The following CD8B variants were observed in gnomAD, a reference collection of about 807,000 sequenced individuals.
CD8B encodes the protein CD8 subunit beta.
Under a neutral mutation model 24.2 loss-of-function variants are expected in CD8B, and 6 were observed. The observed-to-expected ratio is 0.25, with a 90% CI of 0.14 to 0.49. The LOEUF (loss-of-function observed/expected upper bound fraction) is 0.49, where lower values mean the gene tolerates loss of function less well. Among genes scored for constraint, CD8B ranks in the 20% least tolerant of loss-of-function variants. CD8B has a pLI of 0.98. For missense variants in CD8B, 196 were observed against 271.3 expected, an observed-to-expected ratio of 0.72 and a Z score of 1.95; for synonymous variants, 84 against 108.3, an observed-to-expected ratio of 0.78 and a Z score of 1.39.
intron 5 of CD8B, among the ~76,000 whole-genome samples, chr2:86,825,958 T>C (rs1317906060): frequency 6.6e-6 from 1 of 151,532 alleles, no homozygotes; most frequent in Admixed American, 6.6e-5. Flanking sequence ...CCTACCTGAA[T>C]GTGCAGACCT....
chr2:86,842,886 C>A (rs186555910), intron 5 of CD8B, among the ~76,000 whole-genome samples: 1 of 152,180 alleles, frequency 6.6e-6, no homozygotes, highest in Non-Finnish European at 1.5e-5. Context: ...AGGGTCCCCC[C>A]ACGACCACCC....
chr2:86,833,261 C>T (rs1674992900), downstream of CD8B, among the ~76,000 whole-genome samples: 1 of 140,274 alleles, frequency 7.1e-6, no homozygotes, highest in Non-Finnish European at 1.5e-5. Flanking sequence ...GTGGTGTGAT[C>T]TTGGCTCACT....
At chr2:86,846,095 C>T (rs1452606908) in intron 4 of CD8B, among the ~76,000 whole-genome samples, 9 of 152,156 alleles carry the variant, frequency 5.9e-5, no homozygotes, top group Non-Finnish European at 1.0e-4. Context: ...TCTGGCTCCC[C>T]GTCTTTCTTG....
chr2:86,829,215 C>T lies in CD8B; in HGVS notation c.621-13497G>A, dbSNP rs533643287. Among the ~76,000 whole-genome samples, 49 of 150,740 alleles carry T rather than the reference C, an allele frequency of 3.3e-4. No individual in the cohort carries two copies. The South Asian group carries it at 9.9e-3, about 30-fold the overall frequency. On this transcript the variant is annotated intron_variant, in intron 5 of 5. Coordinates refer to the CD8B transcript ENST00000331469. Reference sequence around the variant, plus strand: ...CCTGGGTTTAAGCGATTTCCCCCGCCTTAGCCTCAGCCTCCTGAGTAGCTG... The same window carrying T: ...CCTGGGTTTAAGCGATTTCCCCCGCTTTAGCCTCAGCCTCCTGAGTAGCTG...
rs560489142 is a variant in CD8B at position 86,840,078 on chromosome 2, C to T, written c.*2229G>A. Among the ~76,000 whole-genome samples, 15 of 151,498 alleles carry T rather than the reference C, an allele frequency of 9.9e-5. No individual in the cohort carries two copies. The East Asian group carries it at 2.1e-3, about 22-fold the overall frequency. ...GGGGGCAGGGAATCTAAGGCCAATT[C>T]GTGCTGAATCAAGGAGAAACATCTA... On this transcript the variant is annotated 3_prime_UTR_variant, in exon 6 of 6. Coordinates refer to ENST00000390655, the MANE Select transcript of CD8B (RefSeq NM_004931.5).
Position 86,839,186 on chromosome 2 carries a change from T to C in CD8B, c.*3121A>G, listed in dbSNP as rs892956673. On this transcript the variant is annotated 3_prime_UTR_variant, in exon 6 of 6. Coordinates refer to ENST00000390655, the MANE Select transcript of CD8B (RefSeq NM_004931.5). Reference sequence around the variant, plus strand: ...TCTATACAGATGTTTTAAAAATATATGCATTTGTCATAACCATCATTTGAT... The same window carrying C: ...TCTATACAGATGTTTTAAAAATATACGCATTTGTCATAACCATCATTTGAT... Among the ~76,000 whole-genome samples, 2 of 152,250 alleles carry C rather than the reference T, an allele frequency of 1.3e-5. No homozygotes were observed. Among genetic ancestry groups the C allele is most frequent in the Non-Finnish European group, 2.9e-5 (2 of 68,044 alleles).
downstream of CD8B, among the ~76,000 whole-genome samples, chr2:86,835,420 A>G (rs950769209): frequency 4.3e-4 from 65 of 152,184 alleles, no homozygotes; most frequent in African/African-American, 1.5e-3. Flanking sequence ...TGGCCCAGCT[A>G]GAGCCTTCGT....
At chr2:86,827,293 G>GAA (rs2104508064) in intron 5 of CD8B, among the ~76,000 whole-genome samples, 1 of 152,046 alleles carries the variant, frequency 6.6e-6, no homozygotes, top group East Asian at 1.9e-4. Flanking sequence ...GAATTGGCTT[G>GAA]CCCTGAGAGT....
chr2:86,825,346 G>C (rs1211462014), intron 5 of CD8B, among the ~76,000 whole-genome samples: 2 of 152,126 alleles, frequency 1.3e-5, no homozygotes, highest in Non-Finnish European at 2.9e-5. Flanking sequence ...GGAGGGTGAG[G>C]ATCACCGTCC....
Position 86,815,643 on chromosome 2 carries a change from TG to T in CD8B, c.695del (p.Ser232TyrfsTer10), listed in dbSNP as rs1674203765. Reference sequence around the variant, plus strand: ...GGATCCATGGGTTAAGCAGCTTCTGTGAGGTTGTAGTATTGCTGTAGTATCC... The same window carrying T: ...GGATCCATGGGTTAAGCAGCTTCTGTAGGTTGTAGTATTGCTGTAGTATCC... On this transcript the variant is annotated frameshift_variant, in exon 6 of 6. Transcript: ENST00000331469. LOFTEE classifies it low-confidence loss of function (END_TRUNC). 6.2e-7 allele frequency: 1 copy of T among 1,612,262 alleles called. No individual in the cohort carries two copies.
downstream of CD8B, among the ~76,000 whole-genome samples, chr2:86,838,005 A>G (rs1234839094): frequency 5.3e-5 from 8 of 152,212 alleles, no homozygotes; most frequent in Non-Finnish European, 5.9e-5. Context: ...AGCTCGCCCA[A>G]AGTCTACAGC....
intron 1 of CD8B, among the ~76,000 whole-genome samples, chr2:86,858,813 A>G (rs927092085): frequency 1.6e-4 from 24 of 151,300 alleles, no homozygotes; most frequent in South Asian, 8.4e-4. Context: ...AGGCACTATC[A>G]TAGTACACTT....
chr2:86,848,295 G>C (rs1003852309), intron 3 of CD8B, among the ~76,000 whole-genome samples: 2 of 152,190 alleles, frequency 1.3e-5, no homozygotes, highest in African/African-American at 4.8e-5. Flanking sequence ...GTTTTTGCCA[G>C]TCAAGTGGGG....
At position 86,848,701 on chromosome 2, in the gene CD8B, A is replaced by ATTAATTATTTATTTATTTATTTTATTTAT. The variant is rs58311096; in HGVS notation, c.494-1929_494-1928insATAAATAAAATAAATAAATAAATAATTAA. Among the ~76,000 whole-genome samples the ATTAATTATTTATTTATTTATTTTATTTAT allele has an allele frequency of 4.2e-4, 25 of 58,878 alleles. 4 individuals are homozygous for ATTAATTATTTATTTATTTATTTTATTTAT. The highest frequency in any genetic ancestry group is 7.6e-3 in the Middle Eastern group (1 of 132). 38.6% of individuals were successfully genotyped at this position (58,878 alleles called of 152,430 possible). ...GGAAGAAAGGTATTGGTATTTTTAA[A>ATTAATTATTTATTTATTTATTTTATTTAT]TTATTTATTTATTTATTTATTTATT... On this transcript the variant is annotated intron_variant, in intron 3 of 5. Transcript: ENST00000390655.
chr2:86,849,337 T>C (rs1675856523), intron 3 of CD8B, among the ~76,000 whole-genome samples: 1 of 151,896 alleles, frequency 6.6e-6, no homozygotes, highest in Admixed American at 6.6e-5. Flanking sequence ...CCCTCTGAGA[T>C]GCTGAGGGCA....
intron 5 of CD8B, among the ~76,000 whole-genome samples, chr2:86,824,348 T>G (rs528743436): frequency 1.3e-5 from 2 of 152,256 alleles, no homozygotes; most frequent in South Asian, 4.1e-4. Context: ...CCCATTTTGT[T>G]CTGCATCTTT....
chr2:86,825,133 G>A (rs770253470), intron 5 of CD8B, among the ~76,000 whole-genome samples: 1 of 152,206 alleles, frequency 6.6e-6, no homozygotes, highest in Non-Finnish European at 1.5e-5. Context: ...GGGGTGATGG[G>A]TGCATCTGCC....
downstream of CD8B, among the ~76,000 whole-genome samples, chr2:86,836,082 G>A (rs1441954536): frequency 1.3e-5 from 2 of 151,584 alleles, no homozygotes; most frequent in African/African-American, 2.4e-5. Context: ...TAAACATCCC[G>A]AGTGGTCCTC....
At chr2:86,833,135 C>A in intron 5 of CD8B, 1 of 277,350 alleles carries the variant, frequency 3.6e-6, no homozygotes, top group Non-Finnish European at 7.4e-6. Flanking sequence ...TAAATAATTC[C>A]CTGCATCCTG....
Sources: gnomAD v4.1 joint callset for allele counts (sites outside exome capture counted in the v4.1 genomes callset) on GRCh38, gnomAD v4.1.1 for gene constraint, MANE v1.5 for transcripts, NCBI Gene and HGNC (gene_info 2026-07-23, HGNC 2026-07-21) for gene names.